KLHL3: variants seen among roughly 807,000 people sequenced by gnomAD.
KLHL3 encodes kelch-like protein 3.
Under a neutral mutation model 70.5 loss-of-function variants are expected in KLHL3, and 19 were observed. The ratio of observed to expected loss-of-function variants is 0.27; its 90% CI spans 0.19 to 0.40. The LOEUF is 0.40. Ranked by LOEUF, KLHL3 falls within the 10% of genes least tolerant of loss-of-function variation. The probability of loss-of-function intolerance (pLI) is 1.00; values close to 1 mark genes in which losing one functional copy is unlikely to be tolerated. For synonymous variants in KLHL3, 258 were observed against 290.3 expected, an observed-to-expected ratio of 0.89 and a Z score of 1.13; for missense variants, 512 against 771.1, an observed-to-expected ratio of 0.66 and a Z score of 3.98.
intron 6 of KLHL3, among the ~76,000 whole-genome samples, chr5:137,662,782 A>G (rs902581262): frequency 4.6e-5 from 7 of 152,228 alleles, no homozygotes; most frequent in Admixed American, 6.5e-5. Context: ...AATTTCATTA[A>G]TAATGATTTT....
chr5:137,735,803 C>A lies in KLHL3; in HGVS notation c.-157G>T. ...GAAGCCTCCTCCCTTCTCAATCCTCCTTCCTCTGACTTACTCGCAGCAGCT... is the reference window on the plus strand; with the variant it reads ...GAAGCCTCCTCCCTTCTCAATCCTCATTCCTCTGACTTACTCGCAGCAGCT... On this transcript the variant is annotated 5_prime_UTR_variant, in exon 1 of 15. The change creates a new upstream start codon in the 5' untranslated region. Transcript: ENST00000309755. 1.1e-6 allele frequency: 1 copy of A among 934,176 alleles called. No homozygotes were observed. The highest frequency in any genetic ancestry group is 1.7e-6 in the Non-Finnish European group (1 of 578,766). The allele number at this position is 934,176 out of a possible 1,614,324, so 57.9% of individuals were successfully genotyped here.
At chr5:137,693,739 G>A (rs2149918804) in intron 4 of KLHL3, among the ~76,000 whole-genome samples, 1 of 152,286 alleles carries the variant, frequency 6.6e-6, no homozygotes, top group African/African-American at 2.4e-5. Flanking sequence ...CTGCTGCCCT[G>A]GCTCTGAGAG....
In KLHL3 at chr5:137,622,043, A is replaced by G; in HGVS notation, c.*55T>C. The G allele has an allele frequency of 2.5e-6, 4 of 1,596,376 alleles. No individual in the cohort carries two copies. The highest frequency in any genetic ancestry group is 3.4e-6 in the Non-Finnish European group (4 of 1,163,854). ...TCCAGTCACCAAGGTCCTGCTGTTC[A>G]GAGTCACAGGCAGCACCTGCTCCTT... On this transcript the variant is annotated 3_prime_UTR_variant, in exon 15 of 15. Coordinates refer to ENST00000309755, the MANE Select transcript of KLHL3 (RefSeq NM_017415.3).
intron 4 of KLHL3, among the ~76,000 whole-genome samples, chr5:137,694,278 T>C (rs968229332): frequency 7.2e-5 from 11 of 152,310 alleles, no homozygotes; most frequent in Admixed American, 5.2e-4. Context: ...CACTATCCTA[T>C]ATCCCCAGCA....
At chr5:137,711,003 G>C (rs1752782083) in intron 2 of KLHL3, among the ~76,000 whole-genome samples, 1 of 152,136 alleles carries the variant, frequency 6.6e-6, no homozygotes, top group Non-Finnish European at 1.5e-5. Context: ...TGAGATTAAA[G>C]CACTAGAGAG....
At chr5:137,694,652 C>A (rs1043796780) in intron 4 of KLHL3, among the ~76,000 whole-genome samples, 1 of 152,190 alleles carries the variant, frequency 6.6e-6, no homozygotes, top group Non-Finnish European at 1.5e-5. Flanking sequence ...CACCCCCTGG[C>A]CAGTATCAGC....
chr5:137,689,627 C>T (rs1752268231), intron 5 of KLHL3, among the ~76,000 whole-genome samples: 1 of 152,128 alleles, frequency 6.6e-6, no homozygotes, highest in Non-Finnish European at 1.5e-5. Flanking sequence ...ACCCTGGGTG[C>T]CTATGGACAT....
chr5:137,702,505 G>T (rs1752591439), intron 3 of KLHL3, among the ~76,000 whole-genome samples: 1 of 152,220 alleles, frequency 6.6e-6, no homozygotes, highest in South Asian at 2.1e-4. Context: ...AGACAAGGCT[G>T]TAGATGAAAG....
intron 5 of KLHL3, among the ~76,000 whole-genome samples, chr5:137,684,769 G>A (rs1369645884): frequency 6.6e-6 from 1 of 152,226 alleles, no homozygotes; most frequent in East Asian, 1.9e-4. Context: ...GGCTGTGAAA[G>A]ACACTGGGGT....
intron 3 of KLHL3, among the ~76,000 whole-genome samples, chr5:137,708,617 T>C (rs530602121): frequency 1.3e-5 from 2 of 152,310 alleles, no homozygotes; most frequent in African/African-American, 2.4e-5. Context: ...ATGGGGCTTA[T>C]ATTCTAGTGA....
Position 137,631,458 on chromosome 5 carries a change from G to T in KLHL3, c.1450+2579C>A, listed in dbSNP as rs6860882. Among the ~76,000 whole-genome samples, 253 of 152,338 alleles carry T rather than the reference G, an allele frequency of 1.7e-3. 2 individuals carry two copies. Among genetic ancestry groups the T allele is most frequent in the African/African-American group, 5.9e-3 (244 of 41,566 alleles). On this transcript the variant is annotated intron_variant, in intron 12 of 14. Transcript: ENST00000309755. The stretch of plus-strand genomic sequence containing the variant: ...GGAAAAGTGGGAGTGGGGGACATAA[G>T]TTATCTCCAGACATGAACACTAATA...
At chr5:137,648,589 CG>C (rs1751115259) in intron 8 of KLHL3, among the ~76,000 whole-genome samples, 1 of 152,176 alleles carries the variant, frequency 6.6e-6, no homozygotes, top group Admixed American at 6.5e-5. Context: ...AAGTGCTGGG[CG>C]GTGAATGTGT....
intron 10 of KLHL3, 128 bp downstream of exon 10, chr5:137,638,825 G>A (rs1284749518): frequency 5.9e-6 from 5 of 849,748 alleles, no homozygotes; most frequent in Non-Finnish European, 9.3e-6. Context: ...AGGAAGAAGA[G>A]TGGATATGTC....
intron 1 of KLHL3, 107 bp from the exon 2 acceptor site, chr5:137,720,691 C>T: frequency 1.3e-6 from 2 of 1,561,688 alleles, no homozygotes; most frequent in South Asian, 1.2e-5. Flanking sequence ...AGGCATCTAT[C>T]AGCCTGTTCT....
rs957141816 is a variant in KLHL3, at chr5:137,621,735, C to A, written c.*363G>T. The A allele has an allele frequency of 5.0e-5, 13 of 259,254 alleles. No individual in the cohort carries two copies. Among genetic ancestry groups the A allele is most frequent in the African/African-American group, 1.3e-4 (6 of 45,700 alleles). 16.1% of individuals were successfully genotyped at this position (259,254 alleles called of 1,614,324 possible). A position where few individuals can be genotyped will look rare whatever the true frequency, so the allele number is the denominator to read the frequency against. ...GAAATCCAGTAGACTGTCACACACG[C>A]TCACCCCCCAACTTAGAGAAACATA... On this transcript the variant is annotated 3_prime_UTR_variant, in exon 15 of 15. Transcript: ENST00000309755.
At chr5:137,696,437 C>A (rs1314625086) in intron 4 of KLHL3, among the ~76,000 whole-genome samples, 1 of 152,250 alleles carries the variant, frequency 6.6e-6, no homozygotes, top group Non-Finnish European at 1.5e-5. Context: ...CAACTGAGGA[C>A]AAATTACTTA....
At chr5:137,697,780 GA>G (rs1168912749) in intron 4 of KLHL3, among the ~76,000 whole-genome samples, 1 of 151,850 alleles carries the variant, frequency 6.6e-6, no homozygotes, top group African/African-American at 2.4e-5. Context: ...TATTTTACAG[GA>G]AAAAAAAGTT....
intron 3 of KLHL3, among the ~76,000 whole-genome samples, chr5:137,708,672 T>G (rs1752730514): frequency 6.6e-6 from 1 of 152,132 alleles, no homozygotes. Context: ...AAGACGATTT[T>G]CAGATGGTGA....
intron 3 of KLHL3, among the ~76,000 whole-genome samples, chr5:137,700,250 T>C (rs2149923251): frequency 6.6e-6 from 1 of 152,352 alleles, no homozygotes; most frequent in African/African-American, 2.4e-5. Context: ...AAATCAGAAG[T>C]TAAGCTATTA....
Sources: gnomAD v4.1 joint callset for allele counts (sites outside exome capture counted in the v4.1 genomes callset) on GRCh38, gnomAD v4.1.1 for gene constraint, MANE v1.5 for transcripts, NCBI Gene and HGNC (gene_info 2026-07-23, HGNC 2026-07-21) for gene names.